Variants in MRPL46 observed in about 807,000 individuals in gnomAD.
MRPL46 encodes large ribosomal subunit protein mL46.
MRPL46 carries 26 observed loss-of-function variants against 31.0 expected under a neutral mutation model. The observed-to-expected ratio is 0.84, with a 90% CI of 0.61 to 1.16. MRPL46 has a LOEUF of 1.16. Among genes scored for constraint, MRPL46 ranks in the 50% most tolerant of loss-of-function variants. The pLI, the probability that MRPL46 is intolerant of heterozygous loss-of-function variation, is 0.00. For missense variants in MRPL46, 395 were observed against 340.0 expected, an observed-to-expected ratio of 1.16 and a Z score of -1.27; for synonymous variants, 159 against 141.3, an observed-to-expected ratio of 1.13 and a Z score of -0.89.
chr15:88,460,657 T>C (rs977155716), intron 3 of MRPL46: 11 of 152,226 alleles, frequency 7.2e-5, no homozygotes, highest in African/African-American at 2.2e-4. Flanking sequence ...GATTTAACAA[T>C]AGACATTTTA....
rs753874801 is a variant in MRPL46, at chr15:88,464,706, A to G, written c.586T>C (p.Ser196Pro). ...TAGAGGAAGGCAGAAAACCCACCTG[A>G]GAGTGTGGCCAGGGTTCGTTCAGCT... ...GTAERTLATL[S>P]ENNMEAKFLG... is the part of the protein sequence containing the mutation. The change falls in exon 3 of 4, where the codon TCA (serine) becomes CCA (proline). Residue 196 changes from serine to proline, a missense_variant. Coordinates refer to ENST00000312475, the MANE Select transcript of MRPL46 (RefSeq NM_022163.4). The G allele has an allele frequency of 8.7e-6, 14 of 1,613,476 alleles. No individual in the cohort carries two copies. In the South Asian group the frequency reaches 1.2e-4, roughly 14 times the overall value.
intron 3 of MRPL46, chr15:88,461,402 A>C (rs1008345690): frequency 6.6e-6 from 1 of 152,306 alleles, no homozygotes; most frequent in East Asian, 1.9e-4. Context: ...AAAAAAAATC[A>C]ATGAGGAAAA....
chr15:88,465,689 G>T lies in MRPL46; in HGVS notation c.313C>A (p.Leu105Ile). 1 of 1,613,986 alleles carries T rather than the reference G, an allele frequency of 6.2e-7. No individual in the cohort carries two copies. Among genetic ancestry groups the T allele is most frequent in the South Asian group, 1.1e-5 (1 of 91,048 alleles). ...TCCTGTTCATCTTCTTCATCATGAA[G>T]GTCAGCTTTCTTCTTTGCCAGTCGC... ...NQRLAKKKAD[L>I]HDEEDEQDIL... Residue 105 changes from leucine (L) to isoleucine (I), a missense_variant, in exon 2 of 4, where the codon CTT becomes ATT. Leu to Ile is a conservative substitution (Grantham distance 5). Transcript: ENST00000312475.
intron 3 of MRPL46, chr15:88,460,868 T>G (rs2055471963): frequency 6.6e-6 from 1 of 152,228 alleles, no homozygotes; most frequent in Non-Finnish European, 1.5e-5. Context: ...CCTGAGTAGC[T>G]GGGATTACAG....
At chr15:88,467,087 G>A in intron 1 of MRPL46, 63 bp downstream of exon 1, 1 of 1,564,158 alleles carries the variant, frequency 6.4e-7, no homozygotes, top group Non-Finnish European at 8.8e-7. Context: ...TCAGAGAGGT[G>A]AAATTACTCG....
intron 3 of MRPL46, chr15:88,460,841 T>G (rs2055471824): frequency 6.6e-6 from 1 of 152,198 alleles, no homozygotes. Context: ...GTTCAAAGGA[T>G]TCTCATGCCT....
rs2055456275 is a variant in MRPL46 at position 88,459,509 on chromosome 15, A to G, written c.*104T>C. On this transcript the variant is annotated 3_prime_UTR_variant, in exon 4 of 4. Transcript: ENST00000312475. ...TAGACTCGTTTATTTCTCAGAATTT[A>G]GTTTGCTGCTTGATATTACCTGCAA... The G allele has an allele frequency of 2.0e-6, 3 of 1,510,088 alleles. No individual in the cohort carries two copies. Among genetic ancestry groups the G allele is most frequent in the Non-Finnish European group, 2.7e-6 (3 of 1,110,962 alleles). The allele number at this position is 1,510,088 out of a possible 1,614,324, so 93.5% of individuals were successfully genotyped here.
Position 88,464,707 on chromosome 15 carries a change from G to A in MRPL46, c.585C>T (p.Leu195=). ...RGTAERTLAT[L]SENNMEAKFL... ...AGAGGAAGGCAGAAAACCCACCTGA[G>A]AGTGTGGCCAGGGTTCGTTCAGCTG... The change falls in exon 3 of 4, where the codon CTC becomes CTT. Residue 195 remains leucine, a synonymous_variant. Transcript: ENST00000312475. 6.2e-7 allele frequency: 1 copy of A among 1,612,296 alleles called. No homozygotes were observed. The highest frequency in any genetic ancestry group is 1.1e-5 in the South Asian group (1 of 91,022).
At chr15:88,460,020 C>T in intron 3 of MRPL46, 157 bp from the exon 4 acceptor site, 1 of 892,236 alleles carries the variant, frequency 1.1e-6, no homozygotes, top group Admixed American at 2.9e-5. Context: ...AAAAGAGGCT[C>T]CTCCCCTCTC....
intron 1 of MRPL46, among the ~76,000 whole-genome samples, chr15:88,466,553 G>A (rs8037604): frequency 0.067 from 10,190 of 152,240 alleles, 1,181 homozygotes; most frequent in African/African-American, 0.23. Context: ...ACAAATATTT[G>A]TCAAGCGAGC....
rs1324639153 is a variant in MRPL46, at chr15:88,464,689, G to C, written c.589+14C>G. On this transcript the variant is annotated intron_variant, in intron 3 of 3. Coordinates refer to ENST00000312475, the MANE Select transcript of MRPL46 (RefSeq NM_022163.4). Reference sequence around the variant, plus strand: ...GTGAATTTTGTGGAATTTAGAGGAAGGCAGAAAACCCACCTGAGAGTGTGG... The same window carrying C: ...GTGAATTTTGTGGAATTTAGAGGAACGCAGAAAACCCACCTGAGAGTGTGG... 2.5e-6 allele frequency: 4 copies of C among 1,587,150 alleles called. No individual in the cohort carries two copies. The highest frequency in any genetic ancestry group is 3.4e-6 in the Non-Finnish European group (4 of 1,163,364).
At chr15:88,465,405 CCT>C (rs774053081) in intron 2 of MRPL46, 180 bp downstream of exon 2, 15 of 593,612 alleles carry the variant, frequency 2.5e-5, no homozygotes, top group Non-Finnish European at 3.8e-5. Flanking sequence ...AATACCCTTA[CCT>C]CTCACCCGAA....
Position 88,467,108 on chromosome 15 carries a change from C to A in MRPL46, c.228+42G>T, listed in dbSNP as rs542532040. ...AGGTGAAATTACTCGCTCAAAGTCA[C>A]GCAGAATAAACGTCACTCTGAACCC... On this transcript the variant is annotated intron_variant, in intron 1 of 3. Transcript: ENST00000312475. 6.3e-6 allele frequency: 10 copies of A among 1,594,052 alleles called. No individual in the cohort carries two copies. The South Asian group carries it at 1.1e-4, about 18-fold the overall frequency.
Position 88,464,829 on chromosome 15 carries a change from T to C in MRPL46, c.463A>G (p.Arg155Gly), listed in dbSNP as rs1456040737. 11 of 1,614,082 alleles carry C rather than the reference T, an allele frequency of 6.8e-6. No homozygotes were observed. Among genetic ancestry groups the C allele is most frequent in the Non-Finnish European group, 9.3e-6 (11 of 1,180,036 alleles). The change falls in exon 3 of 4, where the codon AGG becomes GGG. Residue 155 changes from arginine (R) to glycine (G), a missense_variant. Coordinates refer to ENST00000312475, the MANE Select transcript of MRPL46 (RefSeq NM_022163.4). Reference protein sequence around the residue: ...DRTSLNRKLDRNLVLLVREKF... With the variant: ...DRTSLNRKLDGNLVLLVREKF... Reference sequence around the variant, plus strand: ...TCTCTGACTAACAGGACAAGGTTCCTGTCTAGCTTCCTGTTCAGGGATGTT... The same window carrying C: ...TCTCTGACTAACAGGACAAGGTTCCCGTCTAGCTTCCTGTTCAGGGATGTT...
rs1165842428 is a variant in MRPL46, at chr15:88,465,771, A to C, written c.231T>G (p.Ile77Met). ...CTGAATACAGGCTTCTCTCTATCTC[A>C]ATCTGGGAAAATTCAAAGGGCAAAA... Reference protein sequence around the residue: ...QEEMASLLQQIEIERSLYSDH... With the variant: ...QEEMASLLQQMEIERSLYSDH... The change falls in exon 2 of 4, where the codon ATT becomes ATG. Residue 77 changes from isoleucine to methionine, a missense_variant and splice_region_variant. Ile to Met is a conservative substitution (Grantham distance 10). Coordinates refer to ENST00000312475, the MANE Select transcript of MRPL46 (RefSeq NM_022163.4). The C allele has an allele frequency of 1.9e-6, 3 of 1,568,332 alleles. No individual in the cohort carries two copies. Among genetic ancestry groups the C allele is most frequent in the Non-Finnish European group, 2.6e-6 (3 of 1,164,390 alleles).
chr15:88,466,758 G>T (rs1238505561), intron 1 of MRPL46, among the ~76,000 whole-genome samples: 1 of 152,188 alleles, frequency 6.6e-6, no homozygotes, highest in East Asian at 1.9e-4. Context: ...ATAGCCCCAT[G>T]AGATAAAACA....
chr15:88,466,086 G>C (rs1213115424), intron 1 of MRPL46, among the ~76,000 whole-genome samples: 1 of 152,172 alleles, frequency 6.6e-6, no homozygotes, highest in Non-Finnish European at 1.5e-5. Context: ...GTCAGTCTTT[G>C]ATCAGAATCT....
At position 88,467,255 on chromosome 15, in the gene MRPL46, G is replaced by A. The variant is rs1218242593; in HGVS notation, c.123C>T (p.Asn41=). 1.2e-6 allele frequency: 2 copies of A among 1,613,956 alleles called. No homozygotes were observed. Among genetic ancestry groups the A allele is most frequent in the Admixed American group, 1.7e-5 (1 of 60,008 alleles). Residue 41 remains asparagine (N), a synonymous_variant, in exon 1 of 4, where the codon AAC becomes AAT. Transcript: ENST00000312475. ...SLALAAAPSS[N]GSPWRLLGAL... is the part of the protein sequence containing the mutation. ...CGCCCAACAAGCGCCATGGGGATCC[G>A]TTGCTTGAGGGTGCGGCTGCAAGAG...
chr15:88,462,307 C>T (rs1017810706), intron 3 of MRPL46: 1 of 152,032 alleles, frequency 6.6e-6, no homozygotes, highest in Non-Finnish European at 1.5e-5. Flanking sequence ...TAAACTTAAT[C>T]CCATAAATGC....
Sources: allele counts gnomAD v4.1 joint callset (sites outside exome capture counted in the v4.1 genomes callset), GRCh38; gene constraint gnomAD v4.1.1; transcripts MANE v1.5; gene names NCBI Gene and HGNC (gene_info 2026-07-23, HGNC 2026-07-21).